The following GTF2E2 variants were observed in gnomAD, a reference collection of about 807,000 sequenced individuals.
GTF2E2 encodes the protein transcription initiation factor IIE subunit beta.
Under a neutral mutation model 40.5 loss-of-function variants are expected in GTF2E2, and 21 were observed. The observed-to-expected ratio is 0.52, with a 90% CI of 0.37 to 0.75. The LOEUF is 0.75. Ranked by LOEUF, GTF2E2 falls within the 30% of genes least tolerant of loss-of-function variation. The probability of loss-of-function intolerance (pLI) is 0.00; values close to 1 mark genes in which losing one functional copy is unlikely to be tolerated. For missense variants in GTF2E2, 298 were observed against 338.4 expected (o/e 0.88, Z 0.94); for synonymous variants, 117 against 121.6 (o/e 0.96, Z 0.25).
chr8:30,620,231 C>T (rs1199381550), intron 3 of GTF2E2, among the ~76,000 whole-genome samples: 11 of 15,108 alleles, frequency 7.3e-4, no homozygotes, highest in African/African-American at 3.0e-3. Flanking sequence ...AACTTATACA[C>T]ACACACAAAC....
chr8:30,636,993 C>T (rs1160161268), intron 2 of GTF2E2: 2 of 433,108 alleles, frequency 4.6e-6, no homozygotes, highest in African/African-American at 4.1e-5. Context: ...TTATTATCTG[C>T]TAAACACTAT....
intron 5 of GTF2E2, among the ~76,000 whole-genome samples, chr8:30,611,416 A>G (rs1162102270): frequency 6.6e-6 from 1 of 152,216 alleles, no homozygotes; most frequent in African/African-American, 2.4e-5. Flanking sequence ...AAGCAGCTAT[A>G]AGAAATCATA....
At chr8:30,623,147 T>C (rs1192072690) in intron 3 of GTF2E2, among the ~76,000 whole-genome samples, 1 of 152,112 alleles carries the variant, frequency 6.6e-6, no homozygotes, top group African/African-American at 2.4e-5. Context: ...AAGTATTAAA[T>C]TGGGGAACTA....
chr8:30,592,912 C>T lies in GTF2E2; in HGVS notation c.644-12516G>A, dbSNP rs145742918. On this transcript the variant is annotated intron_variant, in intron 6 of 7. Transcript: ENST00000355904. The stretch of plus-strand genomic sequence containing the variant: ...TATTCCAGATGAACTTGAAAACATA[C>T]ACACAGGGCCAGGCACAGTGGCTCA... 6.9e-3 allele frequency among the ~76,000 whole-genome samples: 1,048 copies of T among 152,224 alleles called. 16 individuals are homozygous for T. The highest frequency in any genetic ancestry group is 0.023 in the African/African-American group (976 of 41,544).
rs1185546092 is a variant in GTF2E2 at position 30,578,607 on chromosome 8, A to G, written c.*314T>C. The G allele has an allele frequency of 5.0e-6, 1 of 200,698 alleles. No homozygotes were observed. Among genetic ancestry groups the G allele is most frequent in the East Asian group, 1.2e-4 (1 of 8,296 alleles). 12.4% of individuals were successfully genotyped at this position (200,698 alleles called of 1,614,324 possible). A position where few individuals can be genotyped will look rare whatever the true frequency, so the allele number is the denominator to read the frequency against. ...AAGACTATGGGCAAACTTGCTCTAAAGTAACAAACGAGGAAGAAAGGAACC... is the reference window on the plus strand; with the variant it reads ...AAGACTATGGGCAAACTTGCTCTAAGGTAACAAACGAGGAAGAAAGGAACC... On this transcript the variant is annotated 3_prime_UTR_variant, in exon 8 of 8. Transcript: ENST00000355904.
chr8:30,627,999 C>T (rs61656559), intron 3 of GTF2E2, among the ~76,000 whole-genome samples: 60 of 152,340 alleles, frequency 3.9e-4, no homozygotes, highest in Middle Eastern at 3.4e-3. Flanking sequence ...AAAACTGAAT[C>T]TCTGGAAAAA....
chr8:30,625,677 C>A (rs1378964652), intron 3 of GTF2E2, among the ~76,000 whole-genome samples: 1 of 152,172 alleles, frequency 6.6e-6, no homozygotes, highest in Admixed American at 6.5e-5. Flanking sequence ...CGGCTCACTG[C>A]AACCTCCACC....
At chr8:30,592,814 A>G (rs942254525) in intron 6 of GTF2E2, among the ~76,000 whole-genome samples, 2 of 152,216 alleles carry the variant, frequency 1.3e-5, no homozygotes, top group Non-Finnish European at 2.9e-5. Context: ...ATGGAGGGCC[A>G]ATGATACTTT....
At chr8:30,608,356 A>G (rs965529877) in intron 5 of GTF2E2, among the ~76,000 whole-genome samples, 2 of 152,238 alleles carry the variant, frequency 1.3e-5, no homozygotes, top group Non-Finnish European at 2.9e-5. Context: ...GTATTTTGTG[A>G]AAAGAATCTT....
chr8:30,609,278 AAAG>A (rs778632639), intron 5 of GTF2E2, among the ~76,000 whole-genome samples: 5,443 of 108,768 alleles, frequency 0.05, 393 homozygotes, highest in African/African-American at 0.18. Flanking sequence ...AAAAAAAAAA[AAAG>A]AGAAAGAAAG....
intron 3 of GTF2E2, among the ~76,000 whole-genome samples, chr8:30,618,508 T>G (rs1388229236): frequency 6.6e-6 from 1 of 152,096 alleles, no homozygotes; most frequent in Non-Finnish European, 1.5e-5. Flanking sequence ...TCCTTCACTT[T>G]CAGGATTCTG....
chr8:30,609,303 T>G (rs1270022503), intron 5 of GTF2E2, among the ~76,000 whole-genome samples: 6 of 145,436 alleles, frequency 4.1e-5, no homozygotes, highest in African/African-American at 1.5e-4. Context: ...AAGAAAGAAA[T>G]ACTCACTGGA....
At chr8:30,621,066 C>T (rs964333378) in intron 3 of GTF2E2, among the ~76,000 whole-genome samples, 4 of 151,990 alleles carry the variant, frequency 2.6e-5, no homozygotes, top group African/African-American at 9.7e-5. Context: ...AGAGCCAATA[C>T]AACCCTTTCA....
At chr8:30,584,683 A>G (rs1015322412) in intron 6 of GTF2E2, 3 of 152,206 alleles carry the variant, frequency 2.0e-5, no homozygotes, top group African/African-American at 7.2e-5. Context: ...CCAACTTACC[A>G]ATGAGGCTTT....
chr8:30,600,357 T>C lies in GTF2E2; in HGVS notation c.643+6700A>G, dbSNP rs149109815. Among the ~76,000 whole-genome samples, 623 of 152,354 alleles carry C rather than the reference T, an allele frequency of 4.1e-3. 9 individuals carry two copies. The highest frequency in any genetic ancestry group is 0.014 in the African/African-American group (598 of 41,576). On this transcript the variant is annotated intron_variant, in intron 6 of 7. Coordinates refer to ENST00000355904, the MANE Select transcript of GTF2E2 (RefSeq NM_002095.6). ...AGCACCATGGGTACTATTTTATTTT[T>C]CCGATACTAATAATAGTTAACATTA...
chr8:30,628,354 A>G (rs900239529), intron 3 of GTF2E2, among the ~76,000 whole-genome samples: 10 of 152,222 alleles, frequency 6.6e-5, no homozygotes, highest in African/African-American at 2.2e-4. Flanking sequence ...CCACACACAC[A>G]AAGAGCAGGC....
chr8:30,640,861 C>T (rs1801794725), intron 2 of GTF2E2, among the ~76,000 whole-genome samples: 1 of 152,136 alleles, frequency 6.6e-6, no homozygotes, highest in Non-Finnish European at 1.5e-5. Flanking sequence ...CCCGCCACCA[C>T]AACTGGCTAA....
chr8:30,654,576 T>A (rs564368460), intron 1 of GTF2E2, among the ~76,000 whole-genome samples: 21 of 152,030 alleles, frequency 1.4e-4, no homozygotes, highest in South Asian at 6.2e-4. Flanking sequence ...TTAATTTTTT[T>A]AAAAACTTTT....
intron 6 of GTF2E2, among the ~76,000 whole-genome samples, chr8:30,604,939 T>C (rs552219896): frequency 1.3e-5 from 2 of 152,150 alleles, no homozygotes; most frequent in Admixed American, 6.5e-5. Context: ...GTTAAAACAA[T>C]AGTATCCACA....
Sources: allele counts gnomAD v4.1 joint callset (sites outside exome capture counted in the v4.1 genomes callset), GRCh38; gene constraint gnomAD v4.1.1; transcripts MANE v1.5; gene names NCBI Gene and HGNC (gene_info 2026-07-23, HGNC 2026-07-21).